Variants in NEBL observed in about 807,000 individuals in gnomAD.
NEBL encodes the protein LIM and SH3 protein 2.
A neutral mutation model predicts 140.2 loss-of-function variants in NEBL; 122 were observed. The ratio of observed to expected loss-of-function variants is 0.87; its 90% confidence interval spans 0.75 to 1.01. The LOEUF (loss-of-function observed/expected upper bound fraction) is 1.01. NEBL is among the 50% of genes least tolerant of loss of function. NEBL has a pLI of 0.00. For synonymous variants in NEBL, 436 were observed against 398.9 expected (o/e 1.09, Z -1.11); for missense variants, 1,365 against 1,231.3 (o/e 1.11, Z -1.62).
Position 21,078,683 on chromosome 10 carries a change from C to T in NEBL, c.165-58482G>A, listed in dbSNP as rs374227893. 2.6e-5 allele frequency among the ~76,000 whole-genome samples: 4 copies of T among 152,278 alleles called. No homozygotes were observed. The South Asian group carries it at 8.3e-4, about 32-fold the overall frequency. On this transcript the variant is annotated intron_variant, in intron 2 of 6. Transcript: ENST00000417816. Reference sequence around the variant, plus strand: ...TGTTTAATAAAGAAAAATCATGTATCCAAGCTCTACAACATGCCAGAAGAA... The same window carrying T: ...TGTTTAATAAAGAAAAATCATGTATTCAAGCTCTACAACATGCCAGAAGAA...
At chr10:20,908,224 A>G (rs1283539199) in intron 4 of NEBL, among the ~76,000 whole-genome samples, 2 of 152,238 alleles carry the variant, frequency 1.3e-5, no homozygotes, top group African/African-American at 4.8e-5. Context: ...AGAGATTCAT[A>G]CCTAGATCTT....
intron 3 of NEBL, among the ~76,000 whole-genome samples, chr10:20,977,519 A>G (rs1239176028): frequency 6.6e-6 from 1 of 152,190 alleles, no homozygotes; most frequent in Non-Finnish European, 1.5e-5. Context: ...TTGCAAGACA[A>G]GGGAGAGGCA....
chr10:20,914,968 G>GATTTTTTTTT (rs1848480033), intron 4 of NEBL, among the ~76,000 whole-genome samples: 1 of 42,710 alleles, frequency 2.3e-5, no homozygotes, highest in Non-Finnish European at 4.9e-5. Flanking sequence ...AAGTGGCTGG[G>GATTTTTTTTT]ATTTTTTTTT....
At chr10:20,886,132 T>C (rs1267531644) in intron 4 of NEBL, among the ~76,000 whole-genome samples, 1 of 152,182 alleles carries the variant, frequency 6.6e-6, no homozygotes, top group Non-Finnish European at 1.5e-5. Flanking sequence ...TGGCACACGT[T>C]TACCTATGTA....
chr10:21,245,275 TAG>T (rs1330834261), intron 3 of NEBL, among the ~76,000 whole-genome samples: 2 of 152,226 alleles, frequency 1.3e-5, no homozygotes, highest in East Asian at 3.8e-4. Context: ...TAAACACCTG[TAG>T]AAACAGTGAG....
intron 2 of NEBL, among the ~76,000 whole-genome samples, chr10:21,078,245 T>C (rs1010548419): frequency 7.2e-5 from 11 of 152,216 alleles, no homozygotes; most frequent in African/African-American, 2.4e-4. Flanking sequence ...CAGAATGAAA[T>C]GGATTTTTCT....
upstream of NEBL, among the ~76,000 whole-genome samples, chr10:21,178,778 T>A (rs781067882): frequency 1.1e-4 from 17 of 152,194 alleles, no homozygotes; most frequent in Non-Finnish European, 2.1e-4. Context: ...TCTGTAGATA[T>A]CAACTCATAA....
At position 20,941,768 on chromosome 10, in the gene NEBL, A is replaced by C. The variant is rs546956950; in HGVS notation, c.357+19904T>G. ...CAGGATACAAAATCAATGTGCAAAA[A>C]TCACAAGCATTCTTATACACCAATA... On this transcript the variant is annotated intron_variant, in intron 4 of 6. Transcript: ENST00000417816. Among the ~76,000 whole-genome samples the C allele has an allele frequency of 1.6e-3, 238 of 152,230 alleles. 1 individual carries two copies. The highest frequency in any genetic ancestry group is 5.5e-3 in the African/African-American group (229 of 41,486).
At chr10:20,933,752 A>G (rs557634402) in intron 4 of NEBL, among the ~76,000 whole-genome samples, 2 of 152,198 alleles carry the variant, frequency 1.3e-5, no homozygotes, top group Non-Finnish European at 2.9e-5. Flanking sequence ...ACAAAAAAAG[A>G]AAGTTACATA....
Position 20,812,831 on chromosome 10 carries a change from G to T in NEBL, c.2456C>A (p.Ala819Asp), listed in dbSNP as rs753556615. The change falls in exon 24 of 28, where the codon GCT becomes GAT. Residue 819 changes from alanine to aspartate, a missense_variant. Physicochemically the swap from Ala to Asp is moderately radical, Grantham distance 126. Coordinates refer to ENST00000377122, the MANE Select transcript of NEBL (RefSeq NM_006393.3). Reference sequence around the variant, plus strand: ...GTGAGGGTGGACCCCTTTATAGGCAGCATCGCTGACCACCTGGGTGTTCTT... The same window carrying T: ...GTGAGGGTGGACCCCTTTATAGGCATCATCGCTGACCACCTGGGTGTTCTT... ...VRKNTQVVSD[A>D]AYKGVHPHIV... 1 of 1,614,018 alleles carries T rather than the reference G, an allele frequency of 6.2e-7. No individual in the cohort carries two copies. Among genetic ancestry groups the T allele is most frequent in the South Asian group, 1.1e-5 (1 of 91,082 alleles).
chr10:21,169,962 C>CCTTTTGG lies in NEBL; in HGVS notation c.164+2414_164+2420dup, dbSNP rs545293582. On this transcript the variant is annotated intron_variant, in intron 2 of 6. Coordinates refer to the NEBL transcript ENST00000417816. ...TTCTTTTTCATAAGTAGAATCATTT[C>CCTTTTGG]CTTTTGGGGCCCACATCTCAACGTT... 2.0e-3 allele frequency among the ~76,000 whole-genome samples: 297 copies of CCTTTTGG among 152,192 alleles called. 13 individuals carry two copies. In the South Asian group the frequency reaches 0.06, roughly 31 times the overall value.
At chr10:21,120,422 A>ATATATATATATATATATATATATATATT (rs1191813457) in intron 2 of NEBL, among the ~76,000 whole-genome samples, 1 of 87,172 alleles carries the variant, frequency 1.1e-5, no homozygotes, top group African/African-American at 7.8e-5. Flanking sequence ...ATATATATAT[A>ATATATATATATATATATATATATATATT]TAAATTTGAT....
intron 3 of NEBL, among the ~76,000 whole-genome samples, chr10:21,217,665 C>A (rs929556756): frequency 2.0e-5 from 3 of 152,170 alleles, no homozygotes; most frequent in Non-Finnish European, 4.4e-5. Context: ...GTCTTCTCAC[C>A]TGCAAATGGG....
intron 3 of NEBL, among the ~76,000 whole-genome samples, chr10:21,000,407 T>G (rs1444103871): frequency 2.0e-5 from 3 of 152,044 alleles, no homozygotes; most frequent in Non-Finnish European, 4.4e-5. Context: ...GGTCCCCCCA[T>G]TAGTCCCCTG....
At position 20,794,167 on chromosome 10, in the gene NEBL, G is replaced by A. The variant is rs145743631; in HGVS notation, c.2762-6859C>T. On this transcript the variant is annotated intron_variant, in intron 26 of 27. Transcript: ENST00000377122. ...CCAGTGCCACGAGGCGAGGGGAAGC[G>A]GACCCCATTTCCTTGGGGTGGAGCA... Among the ~76,000 whole-genome samples the A allele has an allele frequency of 7.0e-4, 107 of 152,292 alleles. No homozygotes were observed. In the East Asian group the frequency reaches 0.016, roughly 23 times the overall value.
rs935676565 is a variant in NEBL at position 21,159,374 on chromosome 10, C to T, written c.164+13009G>A. Among the ~76,000 whole-genome samples the T allele has an allele frequency of 5.3e-5, 8 of 152,286 alleles. No individual in the cohort carries two copies. In the South Asian group the frequency reaches 1.7e-3, roughly 32 times the overall value. On this transcript the variant is annotated intron_variant, in intron 2 of 6. Transcript: ENST00000417816. ...TGAACAAGCACAGCCTTTCCTTCTT[C>T]CCCTACACCGTTTGAAGGTTTTCTT...
chr10:20,929,676 T>C (rs1834085504), intron 4 of NEBL, among the ~76,000 whole-genome samples: 1 of 151,772 alleles, frequency 6.6e-6, no homozygotes, highest in South Asian at 2.1e-4. Context: ...ATGTTCTCAT[T>C]TACAAGTGGG....
At position 20,897,239 on chromosome 10, in the gene NEBL, T is replaced by C. The variant is rs142461920; in HGVS notation, c.-34A>G. 2 of 1,537,894 alleles carry C rather than the reference T, an allele frequency of 1.3e-6. No individual in the cohort carries two copies. Among genetic ancestry groups the C allele is most frequent in the Non-Finnish European group, 1.7e-6 (2 of 1,144,258 alleles). On this transcript the variant is annotated 5_prime_UTR_variant, in exon 1 of 28. Transcript: ENST00000377122. Reference sequence around the variant, plus strand: ...TTTAAAATATTTATATTTTTAAAATTTACTCATGTGGCGTCCTTTTCCATA... The same window carrying C: ...TTTAAAATATTTATATTTTTAAAATCTACTCATGTGGCGTCCTTTTCCATA...
At chr10:21,275,736 G>A (rs899945347) in intron 1 of NEBL, among the ~76,000 whole-genome samples, 2 of 149,986 alleles carry the variant, frequency 1.3e-5, no homozygotes, top group African/African-American at 4.9e-5. Flanking sequence ...TGCCTCCTGG[G>A]TTCAAGCAAT....
Sources: gnomAD v4.1 joint callset for allele counts (sites outside exome capture counted in the v4.1 genomes callset) on GRCh38, gnomAD v4.1.1 for gene constraint, MANE v1.5 for transcripts, NCBI Gene and HGNC (gene_info 2026-07-23, HGNC 2026-07-21) for gene names.